Variants in C14orf180 observed in about 807,000 individuals in gnomAD.
C14orf180 encodes chromosome 14 open reading frame 180.
In C14orf180, 13 loss-of-function variants were observed where a neutral mutation model predicts 13.9. That is an observed-to-expected ratio of 0.94 (90% CI 0.61 to 1.49). C14orf180 has a LOEUF of 1.49. Ranked by LOEUF, C14orf180 falls within the 40% of genes most tolerant of loss-of-function variation. The pLI is 0.00. For synonymous variants in C14orf180, 113 were observed against 106.3 expected (o/e 1.06, Z -0.39); for missense variants, 238 against 232.0 (o/e 1.03, Z -0.17).
intron 4 of C14orf180, 113 bp downstream of exon 4, chr14:104,588,422 G>T (rs1886712498): frequency 6.6e-7 from 1 of 1,525,336 alleles, no homozygotes; most frequent in African/African-American, 1.4e-5. Flanking sequence ...GGAGTCCCCA[G>T]TTGGGGAGCT....
chr14:104,588,670 C>T lies in C14orf180; in HGVS notation c.370C>T (p.Arg124Trp), dbSNP rs111610399. Residue 124 changes from arginine to tryptophan, a missense_variant, in exon 5 of 5, where the codon CGG becomes TGG. Arg to Trp is a moderately radical substitution (Grantham distance 101). Transcript: ENST00000557649. The stretch of plus-strand genomic sequence containing the variant: ...GCTGGCCCTGGGCCTATACTGCGGC[C>T]GGGCCAAGCCCGTGGCAACGGCACT... ...LVLALGLYCG[R>W]AKPVATALED... is the part of the protein sequence containing the mutation. 1.4e-4 allele frequency: 212 copies of T among 1,534,396 alleles called. 1 individual carries two copies. The Middle Eastern group carries it at 1.7e-3, about 12-fold the overall frequency.
rs61998880 is a variant in C14orf180 at position 104,583,675 on chromosome 14, G to A, written c.-16-2740G>A. On this transcript the variant is annotated intron_variant, in intron 1 of 4. Transcript: ENST00000557649. Reference sequence around the variant, plus strand: ...ACTCTGTGCCCCAGAAGGCGAAGTCGCGTCCTCCCCAAGTTATGCTGCTCA... The same window carrying A: ...ACTCTGTGCCCCAGAAGGCGAAGTCACGTCCTCCCCAAGTTATGCTGCTCA... Among the ~76,000 whole-genome samples, 289 of 152,274 alleles carry A rather than the reference G, an allele frequency of 1.9e-3. 2 individuals are homozygous for A. The highest frequency in any genetic ancestry group is 2.9e-3 in the Non-Finnish European group (197 of 68,024).
intron 1 of C14orf180, among the ~76,000 whole-genome samples, chr14:104,584,713 G>A (rs966714313): frequency 2.0e-5 from 3 of 152,004 alleles, no homozygotes; most frequent in South Asian, 2.1e-4. Context: ...GCCCCTCCCC[G>A]CCACCCCCCT....
At chr14:104,582,083 C>T (rs1886456680) in intron 1 of C14orf180, among the ~76,000 whole-genome samples, 1 of 152,170 alleles carries the variant, frequency 6.6e-6, no homozygotes, top group Non-Finnish European at 1.5e-5. Context: ...GCATGGGGGG[C>T]ACTGCCCGCC....
chr14:104,590,201 G>T lies in C14orf180; in HGVS notation c.*1418G>T, dbSNP rs958337782. On this transcript the variant is annotated 3_prime_UTR_variant, in exon 5 of 5. Transcript: ENST00000557649. ...TGGCCCAGAAGGGACCATGGTGGGGGCTCCCCCGGGGACCCTCCAGCATCT... is the reference window on the plus strand; with the variant it reads ...TGGCCCAGAAGGGACCATGGTGGGGTCTCCCCCGGGGACCCTCCAGCATCT... 1 of 152,238 alleles carries T rather than the reference G, an allele frequency of 6.6e-6. No individual in the cohort carries two copies. Among genetic ancestry groups the T allele is most frequent in the Non-Finnish European group, 1.5e-5 (1 of 68,050 alleles). The allele number at this position is 152,238 out of a possible 1,614,324, so 9.4% of individuals were successfully genotyped here. A position where few individuals can be genotyped will look rare whatever the true frequency, so the allele number is the denominator to read the frequency against.
Position 104,589,181 on chromosome 14 carries a change from C to T in C14orf180, c.*398C>T, listed in dbSNP as rs550331561. On this transcript the variant is annotated 3_prime_UTR_variant, in exon 5 of 5. Coordinates refer to ENST00000557649, the MANE Select transcript of C14orf180 (RefSeq NM_001008404.3). The surrounding 1 kb of genome is among the most constrained non-coding windows in gnomAD (Gnocchi z 4.9). ...CTCTTGAGGAGGGGGACACACTGCC[C>T]GTGTTCAAGGGGCTGCTCGGAGGAG... 4.1e-5 allele frequency: 15 copies of T among 368,660 alleles called. No homozygotes were observed. The highest frequency in any genetic ancestry group is 3.1e-4 in the African/African-American group (15 of 47,828). 22.8% of individuals were successfully genotyped at this position (368,660 alleles called of 1,614,324 possible).
Position 104,588,941 on chromosome 14 carries a change from G to A in C14orf180, c.*158G>A, listed in dbSNP as rs1034855735. 2.2e-5 allele frequency: 31 copies of A among 1,408,076 alleles called. No individual in the cohort carries two copies. Among genetic ancestry groups the A allele is most frequent in the African/African-American group, 1.3e-4 (8 of 61,260 alleles). 87.2% of individuals were successfully genotyped at this position (1,408,076 alleles called of 1,614,324 possible). A position where few individuals can be genotyped will look rare whatever the true frequency, so the allele number is the denominator to read the frequency against. On this transcript the variant is annotated 3_prime_UTR_variant, in exon 5 of 5. Coordinates refer to ENST00000557649, the MANE Select transcript of C14orf180 (RefSeq NM_001008404.3). ...ACTAGGAAAAGGGGGACCCCGTGGC[G>A]TGAGATCGGACATGGGGGGCACAGC...
Position 104,588,667 on chromosome 14 carries a change from GGCCGGGCCAAGC to G in C14orf180, c.368_379del (p.Gly123_Pro127delinsAla). 6.5e-7 allele frequency: 1 copy of G among 1,534,390 alleles called. No individual in the cohort carries two copies. Among genetic ancestry groups the G allele is most frequent in the East Asian group, 2.4e-5 (1 of 40,826 alleles). ...CGTGCTGGCCCTGGGCCTATACTGC[GGCCGGGCCAAGC>G]CCGTGGCAACGGCACTGGAGGACCT... is the stretch of plus-strand genomic sequence containing the variant. On this transcript the variant is annotated inframe_deletion, in exon 5 of 5. Coordinates refer to ENST00000557649, the MANE Select transcript of C14orf180 (RefSeq NM_001008404.3).
chr14:104,584,771 C>T (rs1000817289), intron 1 of C14orf180, among the ~76,000 whole-genome samples: 1 of 152,226 alleles, frequency 6.6e-6, no homozygotes, highest in Admixed American at 6.5e-5. Context: ...AAACCTGATC[C>T]GGCGATAGCA....
At chr14:104,587,630 AC>A (rs2140465933) in intron 2 of C14orf180, 118 bp from the exon 3 acceptor site, 2 of 1,046,748 alleles carry the variant, frequency 1.9e-6, no homozygotes, top group Non-Finnish European at 2.8e-6. Context: ...AGCATAGCGC[AC>A]CAGCCAGGAC....
At chr14:104,587,990 C>T (rs1174521777) in intron 3 of C14orf180, 112 bp downstream of exon 3, 32 of 1,346,574 alleles carry the variant, frequency 2.4e-5, no homozygotes, top group Non-Finnish European at 2.8e-5. Flanking sequence ...ATGGGGGGGC[C>T]GTGGCCACCT....
chr14:104,582,380 C>T (rs1886466107), intron 1 of C14orf180, among the ~76,000 whole-genome samples: 1 of 152,180 alleles, frequency 6.6e-6, no homozygotes, highest in Non-Finnish European at 1.5e-5. Flanking sequence ...CGCTGGGCTC[C>T]ATCAGTGCCC....
rs576777677 is a variant in C14orf180 at position 104,588,953 on chromosome 14, AT to A, written c.*171del. The stretch of plus-strand genomic sequence containing the variant: ...GGGACCCCGTGGCGTGAGATCGGAC[AT>A]GGGGGGCACAGCAGGCGGCCCCGCC... On this transcript the variant is annotated 3_prime_UTR_variant, in exon 5 of 5. Coordinates refer to ENST00000557649, the MANE Select transcript of C14orf180 (RefSeq NM_001008404.3). 1 of 1,360,098 alleles carries A rather than the reference AT, an allele frequency of 7.4e-7. No homozygotes were observed. Among genetic ancestry groups the A allele is most frequent in the Non-Finnish European group, 9.5e-7 (1 of 1,054,768 alleles). The allele number at this position is 1,360,098 out of a possible 1,614,324, so 84.3% of individuals were successfully genotyped here.
In C14orf180 at chr14:104,587,757, C is replaced by G. The variant is rs972681427; in HGVS notation, c.120C>G (p.Asn40Lys). The stretch of plus-strand genomic sequence containing the variant: ...TCCCGCCCCCACACCAGGAGGACAA[C>G]AGGAAGTGCCCCCCCTCCATCCTGA... Reference protein sequence around the residue: ...PRVCRAEREDNRKCPPSILKR... With the variant: ...PRVCRAEREDKRKCPPSILKR... The change falls in exon 3 of 5, where the codon AAC (asparagine) becomes AAG (lysine). Residue 40 changes from asparagine (N) to lysine (K), a missense_variant. By Grantham distance (94) the Asn-to-Lys change is moderately conservative. Coordinates refer to ENST00000557649, the MANE Select transcript of C14orf180 (RefSeq NM_001008404.3). 2.5e-6 allele frequency: 4 copies of G among 1,612,520 alleles called. No homozygotes were observed. The highest frequency in any genetic ancestry group is 3.4e-6 in the Non-Finnish European group (4 of 1,179,626).
intron 1 of C14orf180, among the ~76,000 whole-genome samples, chr14:104,584,992 C>G (rs1886570378): frequency 6.6e-6 from 1 of 152,252 alleles, no homozygotes; most frequent in African/African-American, 2.4e-5. Flanking sequence ...TGCCCTGAAC[C>G]TCTGAGGCAC....
At chr14:104,587,665 C>T (rs1886674104) in intron 2 of C14orf180, 84 bp from the exon 3 acceptor site, 3 of 1,421,126 alleles carry the variant, frequency 2.1e-6, no homozygotes, top group East Asian at 4.7e-5. Context: ...CAGGACGGTG[C>T]TGCTGGGCCC....
At chr14:104,580,390 C>A (rs1886396365) in intron 1 of C14orf180, among the ~76,000 whole-genome samples, 1 of 152,210 alleles carries the variant, frequency 6.6e-6, no homozygotes, top group Non-Finnish European at 1.5e-5. Flanking sequence ...CCACTTCAAA[C>A]TTAGCAGCGG....
In C14orf180 at chr14:104,588,915, A is replaced by T; in HGVS notation, c.*132A>T. ...CAAAAGGGGCTGCTGCCTGAGGGCT[A>T]ACTAGGAAAAGGGGGACCCCGTGGC... On this transcript the variant is annotated 3_prime_UTR_variant, in exon 5 of 5. Coordinates refer to ENST00000557649, the MANE Select transcript of C14orf180 (RefSeq NM_001008404.3). 1.4e-6 allele frequency: 2 copies of T among 1,450,918 alleles called. No homozygotes were observed. The highest frequency in any genetic ancestry group is 9.1e-7 in the Non-Finnish European group (1 of 1,103,452). 89.9% of individuals were successfully genotyped at this position (1,450,918 alleles called of 1,614,324 possible). A position where few individuals can be genotyped will look rare whatever the true frequency, so the allele number is the denominator to read the frequency against.
At chr14:104,586,665 A>T in intron 2 of C14orf180, 124 bp downstream of exon 2, 5 of 76,748 alleles carry the variant, frequency 6.5e-5, no homozygotes, top group Non-Finnish European at 7.1e-5. Flanking sequence ...TGATAGGAGG[A>T]GGGCAGGGGG....
Sources: gnomAD v4.1 joint callset for allele counts (sites outside exome capture counted in the v4.1 genomes callset) on GRCh38, gnomAD v4.1.1 for gene constraint, Gnocchi (gnomAD v3.1) non-coding constraint, MANE v1.5 for transcripts, NCBI Gene and HGNC (gene_info 2026-07-23, HGNC 2026-07-21) for gene names.